The following HSPBAP1 variants were observed in gnomAD, a reference collection of about 807,000 sequenced individuals.
HSPBAP1 encodes HSPB1-associated protein 1.
In HSPBAP1, 27 loss-of-function variants were observed where a neutral mutation model predicts 45.2. That is an observed-to-expected ratio of 0.60 (90% CI 0.44 to 0.82). HSPBAP1 has a LOEUF of 0.82. Ranked by LOEUF, HSPBAP1 falls within the 40% of genes least tolerant of loss-of-function variation. HSPBAP1 has a pLI of 0.00. For synonymous variants in HSPBAP1, 204 were observed against 202.7 expected, an observed-to-expected ratio of 1.01 and a Z score of -0.06; for missense variants, 510 against 590.9, an observed-to-expected ratio of 0.86 and a Z score of 1.42.
In HSPBAP1 at chr3:122,793,628, C is replaced by G. The variant is rs1469418553; in HGVS notation, c.53G>C (p.Gly18Ala). 1.9e-6 allele frequency: 3 copies of G among 1,613,890 alleles called. No homozygotes were observed. The highest frequency in any genetic ancestry group is 2.5e-6 in the Non-Finnish European group (3 of 1,180,006). ...TTPVIVAAGA[G>A]GEEGEHVKPF... ...AGCCTGGCACCTACCTTCCTCCCCT[C>G]CAGCCCCAGCCGCAACGATCACAGG... Residue 18 changes from glycine to alanine, a missense_variant, in exon 1 of 8, where the codon GGA becomes GCA. Gly to Ala is a moderately conservative substitution (Grantham distance 60). Coordinates refer to ENST00000306103, the MANE Select transcript of HSPBAP1 (RefSeq NM_024610.6).
intron 3 of HSPBAP1, among the ~76,000 whole-genome samples, chr3:122,762,202 A>G (rs538118083): frequency 6.6e-6 from 1 of 152,198 alleles, no homozygotes; most frequent in South Asian, 2.1e-4. Context: ...TCTATAACTA[A>G]AGAGAACAAG....
chr3:122,753,000 G>A (rs4048550), intron 5 of HSPBAP1: 108,925 of 1,036,154 alleles, frequency 0.11, 8,852 homozygotes, highest in East Asian at 0.55. Context: ...AAATAGTTGC[G>A]TGCATTCTGA....
At chr3:122,781,240 G>A (rs1383886560) in intron 1 of HSPBAP1, among the ~76,000 whole-genome samples, 1 of 151,786 alleles carries the variant, frequency 6.6e-6, no homozygotes, top group African/African-American at 2.4e-5. Flanking sequence ...CCGAGATCAC[G>A]CCACTGCACT....
intron 6 of HSPBAP1, among the ~76,000 whole-genome samples, chr3:122,742,153 A>T (rs368291924): frequency 7.0e-6 from 1 of 143,114 alleles, no homozygotes; most frequent in Non-Finnish European, 1.5e-5. Context: ...ATTATTATAA[A>T]TATAATAAAT....
intron 4 of HSPBAP1, among the ~76,000 whole-genome samples, chr3:122,759,010 G>A (rs902515398): frequency 2.0e-5 from 3 of 149,442 alleles, no homozygotes; most frequent in Non-Finnish European, 3.0e-5. Flanking sequence ...GACAAGGCAC[G>A]CACCTGTAAA....
At chr3:122,759,195 ACACAC>A in intron 4 of HSPBAP1, 24 bp downstream of exon 4, 13 of 1,555,248 alleles carry the variant, frequency 8.4e-6, no homozygotes, top group Admixed American at 1.8e-5. Context: ...CCACACACAC[ACACAC>A]ACACACACAC....
chr3:122,763,541 G>C (rs1216958949), intron 3 of HSPBAP1, among the ~76,000 whole-genome samples: 3 of 151,772 alleles, frequency 2.0e-5, no homozygotes, highest in Non-Finnish European at 2.9e-5. Context: ...CATTGCATTT[G>C]TATTATCAGT....
intron 6 of HSPBAP1, among the ~76,000 whole-genome samples, chr3:122,750,471 A>G (rs1382552884): frequency 6.6e-6 from 1 of 152,164 alleles, no homozygotes; most frequent in African/African-American, 2.4e-5. Context: ...TTACCTGTCT[A>G]GATATATTTT....
In HSPBAP1 at chr3:122,740,399, A is replaced by C; in HGVS notation, c.1413T>G (p.Asn471Lys). 6.2e-6 allele frequency: 10 copies of C among 1,613,762 alleles called. No homozygotes were observed. The highest frequency in any genetic ancestry group is 8.5e-6 in the Non-Finnish European group (10 of 1,179,696). ...STDDLLDCLV[N>K]PQVTRIVAQL... ...GTGCCACTATCCTGGTTACTTGTGG[A>C]TTCACCAAGCAGTCCAGCAAGTCAT... The change falls in exon 8 of 8, where the codon AAT becomes AAG. Residue 471 changes from asparagine to lysine, a missense_variant. Asn to Lys is a moderately conservative substitution (Grantham distance 94). Transcript: ENST00000306103.
intron 1 of HSPBAP1, among the ~76,000 whole-genome samples, chr3:122,785,223 T>A (rs532160663): frequency 6.6e-6 from 1 of 152,328 alleles, no homozygotes; most frequent in East Asian, 1.9e-4. Flanking sequence ...GAGGAGTGCA[T>A]GAGTGTATGT....
intron 1 of HSPBAP1, among the ~76,000 whole-genome samples, chr3:122,786,774 T>C (rs1461611320): frequency 6.6e-6 from 1 of 152,172 alleles, no homozygotes; most frequent in Non-Finnish European, 1.5e-5. Flanking sequence ...AGCAGGATGT[T>C]CACCATAACA....
Position 122,752,620 on chromosome 3 carries a change from T to C in HSPBAP1, c.796A>G (p.Thr266Ala). 6.2e-7 allele frequency: 1 copy of C among 1,600,888 alleles called. No individual in the cohort carries two copies. Among genetic ancestry groups the C allele is most frequent in the Admixed American group, 1.7e-5 (1 of 57,636 alleles). The part of the protein sequence containing the change: ...WHYVESIDPV[T>A]VSINSWIELE... Reference sequence around the variant, plus strand: ...TCAATCCATGAGTTTATACTGACAGTGACAGGATCAATGGATTCTACGTAA... The same window carrying C: ...TCAATCCATGAGTTTATACTGACAGCGACAGGATCAATGGATTCTACGTAA... The change falls in exon 6 of 8, where the codon ACT becomes GCT. Residue 266 changes from threonine to alanine, a missense_variant. Physicochemically the swap from Thr to Ala is moderately conservative, Grantham distance 58 (BLOSUM62 0). Transcript: ENST00000306103.
intron 2 of HSPBAP1, among the ~76,000 whole-genome samples, chr3:122,772,116 T>G (rs1262285862): frequency 3.9e-5 from 6 of 152,222 alleles, no homozygotes; most frequent in Non-Finnish European, 1.5e-5. Context: ...TTAAGGAATC[T>G]GTAGACCTAT....
rs367860682 is a variant in HSPBAP1, at chr3:122,772,337, T to C, written c.251-3455A>G. ...TTTAGATGTATAAAATTCAATAATA[T>C]ATAAGAAAAAAGAGTAATTAGGGAG... On this transcript the variant is annotated intron_variant, in intron 2 of 7. Coordinates refer to ENST00000306103, the MANE Select transcript of HSPBAP1 (RefSeq NM_024610.6). Among the ~76,000 whole-genome samples the C allele has an allele frequency of 9.2e-5, 14 of 152,208 alleles. No individual in the cohort carries two copies. The East Asian group carries it at 1.7e-3, about 19-fold the overall frequency.
At chr3:122,790,809 C>T (rs894378454) in intron 1 of HSPBAP1, among the ~76,000 whole-genome samples, 12 of 152,218 alleles carry the variant, frequency 7.9e-5, no homozygotes, top group African/African-American at 2.9e-4. Flanking sequence ...TTGTGAGACC[C>T]TGTATCTACA....
intron 6 of HSPBAP1, among the ~76,000 whole-genome samples, chr3:122,747,304 C>T (rs1490779885): frequency 7.9e-5 from 12 of 151,740 alleles, no homozygotes; most frequent in Admixed American, 1.3e-4. Flanking sequence ...TCTGCCCGGC[C>T]GCGACCCCAT....
At chr3:122,780,953 G>A (rs1181173520) in intron 1 of HSPBAP1, among the ~76,000 whole-genome samples, 5 of 123,150 alleles carry the variant, frequency 4.1e-5, no homozygotes, top group Non-Finnish European at 9.4e-5. Flanking sequence ...CATCTCAGAC[G>A]ATGGGCGGCC....
At chr3:122,786,521 C>T (rs1465467152) in intron 1 of HSPBAP1, 1 of 152,144 alleles carries the variant, frequency 6.6e-6, no homozygotes, top group Non-Finnish European at 1.5e-5. Flanking sequence ...GACAGTAACA[C>T]ATGAGTAGTA....
At chr3:122,745,310 A>T (rs954828839) in intron 6 of HSPBAP1, among the ~76,000 whole-genome samples, 1 of 152,182 alleles carries the variant, frequency 6.6e-6, no homozygotes, top group Non-Finnish European at 1.5e-5. Context: ...AATTCAAATT[A>T]ACACAAAAAT....
Sources: allele counts gnomAD v4.1 joint callset (sites outside exome capture counted in the v4.1 genomes callset), GRCh38; gene constraint gnomAD v4.1.1; transcripts MANE v1.5; gene names NCBI Gene and HGNC (gene_info 2026-07-23, HGNC 2026-07-21).